SLC9A9: variants seen among roughly 807,000 people sequenced by gnomAD.
SLC9A9 encodes the protein sodium/hydrogen exchanger 9.
SLC9A9 carries 62 observed loss-of-function variants against 77.8 expected under a neutral mutation model. The ratio of observed to expected loss-of-function variants is 0.80; its 90% CI spans 0.65 to 0.98. SLC9A9 has a LOEUF of 0.98. Among genes scored for constraint, SLC9A9 ranks in the 50% least tolerant of loss-of-function variants. The pLI, the probability that SLC9A9 is intolerant of heterozygous loss-of-function variation, is 0.00. For missense variants in SLC9A9, 775 were observed against 774.9 expected, an observed-to-expected ratio of 1.00 and a Z score of 0.00; for synonymous variants, 320 against 283.5, an observed-to-expected ratio of 1.13 and a Z score of -1.29.
chr3:143,308,589 T>G (rs1384742473), intron 14 of SLC9A9, among the ~76,000 whole-genome samples: 1 of 144,682 alleles, frequency 6.9e-6, no homozygotes, highest in Non-Finnish European at 1.5e-5. Context: ...AAAAAAAAAA[T>G]TAAGGATTTC....
At chr3:143,832,443 C>T (rs2009461571) in intron 1 of SLC9A9, among the ~76,000 whole-genome samples, 1 of 152,106 alleles carries the variant, frequency 6.6e-6, no homozygotes, top group South Asian at 2.1e-4. Context: ...CAAATCTTCC[C>T]ATTTTTTTTC....
At chr3:143,771,569 C>T (rs2305232) in intron 4 of SLC9A9, among the ~76,000 whole-genome samples, 71,303 of 152,030 alleles carry the variant, frequency 0.47, 18,775 homozygotes, top group African/African-American at 0.72. Context: ...CAGCTAAAGA[C>T]GCTGAATGGG....
At chr3:143,579,028 A>G (rs1559977326) in intron 6 of SLC9A9, among the ~76,000 whole-genome samples, 1 of 152,346 alleles carries the variant, frequency 6.6e-6, no homozygotes, top group East Asian at 1.9e-4. Flanking sequence ...TGTATAAGGA[A>G]TCTGCTGAGA....
chr3:143,605,743 G>A (rs921628157), intron 6 of SLC9A9, among the ~76,000 whole-genome samples: 8 of 152,062 alleles, frequency 5.3e-5, no homozygotes, highest in East Asian at 1.9e-4. Context: ...ATTTGTTTTC[G>A]GTGACCTTAT....
chr3:143,786,516 C>T (rs2008063221), intron 4 of SLC9A9, among the ~76,000 whole-genome samples: 1 of 152,130 alleles, frequency 6.6e-6, no homozygotes, highest in Non-Finnish European at 1.5e-5. Flanking sequence ...CCTCTTTCAC[C>T]TCTAAACTAC....
chr3:143,377,795 A>C (rs1380113066), intron 13 of SLC9A9, among the ~76,000 whole-genome samples: 1 of 152,136 alleles, frequency 6.6e-6, no homozygotes, highest in Admixed American at 6.5e-5. Context: ...ATTAGAAAAA[A>C]ACTCAAACCT....
At chr3:143,818,155 A>G (rs1193068991) in intron 2 of SLC9A9, among the ~76,000 whole-genome samples, 4 of 152,216 alleles carry the variant, frequency 2.6e-5, no homozygotes, top group Non-Finnish European at 5.9e-5. Context: ...ATATCTTGTA[A>G]AGTTACCATT....
chr3:143,686,666 G>A (rs1172767264), intron 5 of SLC9A9, among the ~76,000 whole-genome samples: 3 of 152,116 alleles, frequency 2.0e-5, no homozygotes, highest in African/African-American at 7.2e-5. Context: ...CGATATGAAA[G>A]GAGATTTCCA....
chr3:143,438,181 A>G (rs2108542157), intron 12 of SLC9A9, among the ~76,000 whole-genome samples: 1 of 152,378 alleles, frequency 6.6e-6, no homozygotes, highest in East Asian at 1.9e-4. Context: ...AAAACAATTA[A>G]CCAGGTCCAT....
At chr3:143,325,267 A>G (rs528018496) in intron 14 of SLC9A9, among the ~76,000 whole-genome samples, 2 of 152,316 alleles carry the variant, frequency 1.3e-5, no homozygotes, top group African/African-American at 4.8e-5. Flanking sequence ...GAATGAGAAA[A>G]TGCATGTAAA....
At chr3:143,493,048 G>A (rs1406262393) in intron 11 of SLC9A9, among the ~76,000 whole-genome samples, 3 of 152,220 alleles carry the variant, frequency 2.0e-5, no homozygotes, top group Non-Finnish European at 4.4e-5. Context: ...TATGGTTTAA[G>A]CAATTAGAAC....
chr3:143,350,605 C>T (rs772975979), intron 14 of SLC9A9, among the ~76,000 whole-genome samples: 9 of 152,274 alleles, frequency 5.9e-5, no homozygotes, highest in South Asian at 2.1e-4. Flanking sequence ...AAAGAAAACA[C>T]GTCTGTTGTG....
intron 5 of SLC9A9, among the ~76,000 whole-genome samples, chr3:143,683,105 T>C (rs1031229072): frequency 6.6e-6 from 1 of 152,148 alleles, no homozygotes; most frequent in African/African-American, 2.4e-5. Context: ...ATTATATGTT[T>C]AAAAGGGTAG....
At chr3:143,624,974 A>G (rs572582463) in intron 6 of SLC9A9, among the ~76,000 whole-genome samples, 1 of 152,276 alleles carries the variant, frequency 6.6e-6, no homozygotes, top group East Asian at 1.9e-4. Context: ...CCAATAACAG[A>G]CAAACAGAGA....
intron 9 of SLC9A9, among the ~76,000 whole-genome samples, chr3:143,501,931 A>G (rs1576539350): frequency 6.6e-6 from 1 of 150,806 alleles, no homozygotes; most frequent in East Asian, 1.9e-4. Flanking sequence ...TCATTGCCTG[A>G]GTCTGGCCCG....
At position 143,692,957 on chromosome 3, in the gene SLC9A9, T is replaced by C. The variant is rs758165083; in HGVS notation, c.649+235A>G. ...ACAAGCTTATTCTAGAGAAATAAATTGTAATGACTTTAAAGATCTCTCCCA... is the reference window on the plus strand; with the variant it reads ...ACAAGCTTATTCTAGAGAAATAAATCGTAATGACTTTAAAGATCTCTCCCA... On this transcript the variant is annotated intron_variant, in intron 5 of 15. Transcript: ENST00000316549. 8.5e-5 allele frequency among the ~76,000 whole-genome samples: 13 copies of C among 152,144 alleles called. 1 individual carries two copies. Among genetic ancestry groups the C allele is most frequent in the Non-Finnish European group, 1.2e-4 (8 of 68,016 alleles).
chr3:143,758,995 G>A (rs1163871353), intron 4 of SLC9A9, among the ~76,000 whole-genome samples: 1 of 152,080 alleles, frequency 6.6e-6, no homozygotes, highest in East Asian at 1.9e-4. Flanking sequence ...TTGGCACTGT[G>A]CTGTCAACTT....
At chr3:143,387,743 A>G (rs1467161722) in intron 12 of SLC9A9, among the ~76,000 whole-genome samples, 1 of 151,636 alleles carries the variant, frequency 6.6e-6, no homozygotes, top group East Asian at 1.9e-4. Flanking sequence ...GTTTTATTAG[A>G]CATATTAAAA....
chr3:143,411,202 A>AT (rs1009073274), intron 12 of SLC9A9, among the ~76,000 whole-genome samples: 10 of 152,022 alleles, frequency 6.6e-5, no homozygotes, highest in Non-Finnish European at 4.4e-5. Context: ...GGTCTGTAAG[A>AT]TTTTTTTTCC....
Sources: gnomAD v4.1 joint callset for allele counts (sites outside exome capture counted in the v4.1 genomes callset) on GRCh38, gnomAD v4.1.1 for gene constraint, MANE v1.5 for transcripts, NCBI Gene and HGNC (gene_info 2026-07-23, HGNC 2026-07-21) for gene names.